The following MAT2B variants were observed in gnomAD, a reference collection of about 807,000 sequenced individuals.
The protein encoded by MAT2B is methionine adenosyltransferase 2 non-catalytic beta subunit, also known as methionine adenosyltransferase 2 subunit beta.
MAT2B carries 16 observed loss-of-function variants against 36.1 expected under a neutral mutation model. That is an observed-to-expected ratio of 0.44 (90% CI 0.30 to 0.67). The LOEUF (loss-of-function observed/expected upper bound fraction) is 0.67. Ranked by LOEUF, MAT2B falls within the 30% of genes least tolerant of loss-of-function variation. MAT2B has a pLI of 0.09. For synonymous variants in MAT2B, 148 were observed against 136.9 expected (o/e 1.08, Z -0.57); for missense variants, 332 against 398.2 (o/e 0.83, Z 1.42).
chr5:163,515,298 T>A (rs991084995), intron 4 of MAT2B, among the ~76,000 whole-genome samples: 1 of 152,218 alleles, frequency 6.6e-6, no homozygotes, highest in African/African-American at 2.4e-5. Context: ...GGGACCATTA[T>A]AAAATCTAAA....
chr5:163,507,351 G>A (rs548290462), intron 1 of MAT2B, among the ~76,000 whole-genome samples: 1 of 152,110 alleles, frequency 6.6e-6, no homozygotes, highest in Non-Finnish European at 1.5e-5. Flanking sequence ...GGTATCATTC[G>A]ATTAGATACG....
At chr5:163,508,499 A>G (rs1285499607) in intron 1 of MAT2B, among the ~76,000 whole-genome samples, 1 of 152,138 alleles carries the variant, frequency 6.6e-6, no homozygotes, top group South Asian at 2.1e-4. Context: ...TGGCCTCCCA[A>G]AGTGCTGGGA....
chr5:163,505,894 C>G (rs1759927700), intron 1 of MAT2B, 145 bp downstream of exon 1: 3 of 549,172 alleles, frequency 5.5e-6, no homozygotes, highest in Middle Eastern at 5.3e-4. Context: ...CTCCCAGCCC[C>G]GGATCCGAGG....
In MAT2B at chr5:163,505,629, T is replaced by C. The variant is rs1231699587; in HGVS notation, c.-58T>C. On this transcript the variant is annotated 5_prime_UTR_variant, in exon 1 of 7. Transcript: ENST00000321757. ...GAGGGCGTCTGAGCTGAGGCCCGCG[T>C]CGATCCTGGGTTGGAGGAGGTGGCG... 1.1e-5 allele frequency: 14 copies of C among 1,252,162 alleles called. No individual in the cohort carries two copies. Among genetic ancestry groups the C allele is most frequent in the Non-Finnish European group, 1.4e-5 (14 of 990,020 alleles). The allele number at this position is 1,252,162 out of a possible 1,614,324, so 77.6% of individuals were successfully genotyped here. A position where few individuals can be genotyped will look rare whatever the true frequency, so the allele number is the denominator to read the frequency against.
At position 163,505,640 on chromosome 5, in the gene MAT2B, T is replaced by C. The variant is rs372800926; in HGVS notation, c.-47T>C. The stretch of plus-strand genomic sequence containing the variant: ...AGCTGAGGCCCGCGTCGATCCTGGG[T>C]TGGAGGAGGTGGCGGCCGCTGAGGC... On this transcript the variant is annotated 5_prime_UTR_variant, in exon 1 of 7. Coordinates refer to ENST00000321757, the MANE Select transcript of MAT2B (RefSeq NM_013283.5). 427 of 1,255,756 alleles carry C rather than the reference T, an allele frequency of 3.4e-4. No individual in the cohort carries two copies. The highest frequency in any genetic ancestry group is 4.2e-4 in the Non-Finnish European group (412 of 992,440). 77.8% of individuals were successfully genotyped at this position (1,255,756 alleles called of 1,614,324 possible).
intron 1 of MAT2B, among the ~76,000 whole-genome samples, chr5:163,506,082 CT>C (rs1313726212): frequency 1.3e-5 from 2 of 152,136 alleles, no homozygotes; most frequent in Non-Finnish European, 2.9e-5. Flanking sequence ...GTTTATTCAT[CT>C]TTGGTTCGTA....
chr5:163,512,315 T>C, intron 2 of MAT2B, 119 bp downstream of exon 2: 1 of 872,996 alleles, frequency 1.1e-6, no homozygotes, highest in African/African-American at 1.7e-5. Flanking sequence ...AGTTGTATTA[T>C]GCAGTAGCAT....
rs756972465 is a variant in MAT2B, at chr5:163,513,903, A to G, written c.435A>G (p.Pro145=). ...ATTATGTATTTGATGGAACAAATCCACCTTACAGAGAGGAAGACATACCAG... is the reference window on the plus strand; with the variant it reads ...ATTATGTATTTGATGGAACAAATCCGCCTTACAGAGAGGAAGACATACCAG... ...SSDYVFDGTN[P]PYREEDIPAP... The change falls in exon 4 of 7, where the codon CCA becomes CCG. Residue 145 remains proline, a synonymous_variant. Coordinates refer to ENST00000321757, the MANE Select transcript of MAT2B (RefSeq NM_013283.5). The G allele has an allele frequency of 6.8e-6, 11 of 1,613,550 alleles. No individual in the cohort carries two copies. Among genetic ancestry groups the G allele is most frequent in the Non-Finnish European group, 9.3e-6 (11 of 1,179,678 alleles).
chr5:163,512,549 C>T lies in MAT2B; in HGVS notation c.258+353C>T, dbSNP rs372741320. 1,759 of 378,264 alleles carry T rather than the reference C, an allele frequency of 4.7e-3. 14 individuals are homozygous for T. The highest frequency in any genetic ancestry group is 0.011 in the Middle Eastern group (12 of 1,120). 23.4% of individuals were successfully genotyped at this position (378,264 alleles called of 1,614,324 possible). On this transcript the variant is annotated intron_variant, in intron 2 of 6. Coordinates refer to ENST00000321757, the MANE Select transcript of MAT2B (RefSeq NM_013283.5). The stretch of plus-strand genomic sequence containing the variant: ...GAGGGAGCAGGCTCAGAGAGGTTTT[C>T]GGTATCATTGATACTATTCTCCCTT...
rs185678887 is a variant in MAT2B, at chr5:163,505,840, C to T, written c.63+91C>T. Reference sequence around the variant, plus strand: ...CTCGGGCGGCTTTGCAGGCGTATTCCGCCCGGGTCAGAGCCTCCGGCCGGG... The same window carrying T: ...CTCGGGCGGCTTTGCAGGCGTATTCTGCCCGGGTCAGAGCCTCCGGCCGGG... On this transcript the variant is annotated intron_variant, in intron 1 of 6. Transcript: ENST00000321757. The T allele has an allele frequency of 2.3e-3, 2,385 of 1,050,154 alleles. 49 individuals are homozygous for T. The African/African-American group carries it at 0.034, about 15-fold the overall frequency. 65.1% of individuals were successfully genotyped at this position (1,050,154 alleles called of 1,614,324 possible). A position where few individuals can be genotyped will look rare whatever the true frequency, so the allele number is the denominator to read the frequency against.
At chr5:163,506,562 G>C (rs928826467) in intron 1 of MAT2B, among the ~76,000 whole-genome samples, 1 of 152,188 alleles carries the variant, frequency 6.6e-6, no homozygotes, top group Non-Finnish European at 1.5e-5. Flanking sequence ...GTCTTTTGGA[G>C]AGAGTAGAGA....
Position 163,507,145 on chromosome 5 carries a change from A to G in MAT2B, c.63+1396A>G, listed in dbSNP as rs554599348. Among the ~76,000 whole-genome samples, 180 of 152,362 alleles carry G rather than the reference A, an allele frequency of 1.2e-3. 1 individual carries two copies. Among genetic ancestry groups the G allele is most frequent in the African/African-American group, 4.3e-3 (178 of 41,592 alleles). ...TAAACATGGAACTGTGCCAAGTTTT[A>G]AAGTTTCCAAAAACGACAAGGTATT... On this transcript the variant is annotated intron_variant, in intron 1 of 6. Coordinates refer to ENST00000321757, the MANE Select transcript of MAT2B (RefSeq NM_013283.5).
intron 6 of MAT2B, chr5:163,517,982 A>G (rs1760158612): frequency 1.2e-5 from 6 of 513,482 alleles, no homozygotes; most frequent in East Asian, 9.0e-5. Flanking sequence ...GCCAGGCACA[A>G]TGGCTCATGC....
upstream of MAT2B, chr5:163,503,071 T>G (rs892892362): frequency 3.4e-5 from 10 of 293,700 alleles, no homozygotes; most frequent in Non-Finnish European, 6.3e-5. Context: ...GTTGGGTTTT[T>G]GTTTTTGTTT....
chr5:163,503,324 A>G (rs924191130), upstream of MAT2B: 84 of 1,470,764 alleles, frequency 5.7e-5, no homozygotes, highest in South Asian at 4.6e-4. Flanking sequence ...AGAAGCGAAC[A>G]AAGACCCAGC....
Position 163,516,556 on chromosome 5 carries a change from GT to G in MAT2B, c.567del (p.Glu190LysfsTer8). Reference sequence around the variant, plus strand: ...GAGGATTCCTATTCTGTATGGGGAAGTTGAAAAGCTCGAAGAAAGTGCTGTG... The same window carrying G: ...GAGGATTCCTATTCTGTATGGGGAAGTGAAAAGCTCGAAGAAAGTGCTGTG... The part of the protein sequence containing the change: ...VLRIPILYGE[V>X]EKLEESAVTV... On this transcript the variant is annotated frameshift_variant, in exon 5 of 7. Coordinates refer to ENST00000321757, the MANE Select transcript of MAT2B (RefSeq NM_013283.5). LOFTEE classifies it high-confidence loss of function. The G allele has an allele frequency of 6.2e-7, 1 of 1,614,182 alleles. No homozygotes were observed. Among genetic ancestry groups the G allele is most frequent in the South Asian group, 1.1e-5 (1 of 91,086 alleles).
At chr5:163,516,851 G>GTTTTGCCTTTTTCTTTTTCTTTTTT in intron 5 of MAT2B, 140 bp downstream of exon 5, 1 of 720,150 alleles carries the variant, frequency 1.4e-6, no homozygotes. Context: ...AACAAAAGTA[G>GTTTTGCCTTTTTCTTTTTCTTTTTT]TTTACATATA....
At chr5:163,516,091 G>T (rs1252028593) in intron 4 of MAT2B, among the ~76,000 whole-genome samples, 1 of 152,080 alleles carries the variant, frequency 6.6e-6, no homozygotes, top group South Asian at 2.1e-4. Context: ...TGCCCAGGCT[G>T]GAGTACAGTG....
In MAT2B at chr5:163,512,185, C is replaced by G. The variant is rs201956239; in HGVS notation, c.247C>G (p.His83Asp). The G allele has an allele frequency of 1.9e-6, 3 of 1,613,192 alleles. No individual in the cohort carries two copies. The highest frequency in any genetic ancestry group is 1.6e-4 in the Middle Eastern group (1 of 6,078). ...TTCTAATGCAGTTCATCACATCATTCATGATTTTCAGGTATGATTTAGGTT... is the reference window on the plus strand; with the variant it reads ...TTCTAATGCAGTTCATCACATCATTGATGATTTTCAGGTATGATTTAGGTT... ...LDSNAVHHII[H>D]DFQPHVIVHC... The change falls in exon 2 of 7, where the codon CAT (histidine) becomes GAT (aspartate). Residue 83 changes from histidine to aspartate, a missense_variant. His to Asp is a moderately conservative substitution (Grantham distance 81, BLOSUM62 -1). Transcript: ENST00000321757.
Sources: allele counts gnomAD v4.1 joint callset (sites outside exome capture counted in the v4.1 genomes callset), GRCh38; gene constraint gnomAD v4.1.1; transcripts MANE v1.5; gene names NCBI Gene and HGNC (gene_info 2026-07-23, HGNC 2026-07-21).